The following LRRTM4 variants were observed in gnomAD, a reference collection of about 807,000 sequenced individuals.
LRRTM4 encodes leucine-rich repeat transmembrane neuronal protein 4.
A neutral mutation model predicts 47.6 loss-of-function variants in LRRTM4; 25 were observed. The observed-to-expected ratio is 0.53, with a 90% CI of 0.38 to 0.73. The LOEUF (loss-of-function observed/expected upper bound fraction) is 0.73. LRRTM4 is among the 30% of genes least tolerant of loss of function. LRRTM4 has a pLI of 0.00. For synonymous variants in LRRTM4, 311 were observed against 269.5 expected (o/e 1.15, Z -1.51); for missense variants, 638 against 713.4 (o/e 0.89, Z 1.20).
At chr2:76,893,496 G>A (rs1673317617) in intron 3 of LRRTM4, among the ~76,000 whole-genome samples, 1 of 151,564 alleles carries the variant, frequency 6.6e-6, no homozygotes, top group Non-Finnish European at 1.5e-5. Flanking sequence ...GATTATTTCT[G>A]GTACAGATAA....
At chr2:77,164,311 C>G (rs568374692) in intron 3 of LRRTM4, among the ~76,000 whole-genome samples, 3 of 152,296 alleles carry the variant, frequency 2.0e-5, no homozygotes, top group African/African-American at 7.2e-5. Flanking sequence ...ATTCATAAAG[C>G]AAGTCCTTAG....
chr2:77,470,515 G>A (rs947765243), intron 3 of LRRTM4, among the ~76,000 whole-genome samples: 1 of 152,142 alleles, frequency 6.6e-6, no homozygotes, highest in African/African-American at 2.4e-5. Context: ...GACACACTGA[G>A]CAGAAAGGTG....
chr2:77,006,735 C>T (rs17013582), intron 3 of LRRTM4, among the ~76,000 whole-genome samples: 4,085 of 152,132 alleles, frequency 0.027, 216 homozygotes, highest in African/African-American at 0.093. Flanking sequence ...AGAGGGATTG[C>T]GACTGGACAT....
intron 3 of LRRTM4, among the ~76,000 whole-genome samples, chr2:76,922,778 C>T (rs1674472884): frequency 6.6e-6 from 1 of 152,044 alleles, no homozygotes; most frequent in South Asian, 2.1e-4. Context: ...AGTCTCACCA[C>T]ATATGCAAAT....
intron 3 of LRRTM4, among the ~76,000 whole-genome samples, chr2:77,344,587 T>C (rs922867370): frequency 6.6e-6 from 1 of 151,814 alleles, no homozygotes; most frequent in African/African-American, 2.4e-5. Flanking sequence ...ATTTGTGTTA[T>C]TGTAGTACCA....
chr2:77,168,655 T>G (rs113653262), intron 3 of LRRTM4, among the ~76,000 whole-genome samples: 2,111 of 152,242 alleles, frequency 0.014, 63 homozygotes, highest in African/African-American at 0.048. Flanking sequence ...AACTTATTAC[T>G]TCCAACTGTA....
intron 3 of LRRTM4, among the ~76,000 whole-genome samples, chr2:77,440,643 G>A (rs921680380): frequency 6.6e-6 from 1 of 152,296 alleles, no homozygotes; most frequent in Non-Finnish European, 1.5e-5. Flanking sequence ...CTGTTGCAAT[G>A]AATTAATTAA....
At chr2:77,322,557 A>G (rs901671013) in intron 3 of LRRTM4, among the ~76,000 whole-genome samples, 8 of 151,992 alleles carry the variant, frequency 5.3e-5, no homozygotes, top group African/African-American at 1.9e-4. Flanking sequence ...ATGCATTCAT[A>G]CAAATTTTGT....
At chr2:77,177,915 T>A (rs1673243269) in intron 3 of LRRTM4, among the ~76,000 whole-genome samples, 1 of 152,214 alleles carries the variant, frequency 6.6e-6, no homozygotes, top group African/African-American at 2.4e-5. Flanking sequence ...GCTGTCAGTT[T>A]TAAGCAACAC....
chr2:77,295,914 A>G (rs187590031), intron 3 of LRRTM4, among the ~76,000 whole-genome samples: 49 of 152,312 alleles, frequency 3.2e-4, no homozygotes, highest in African/African-American at 9.6e-4. Context: ...AATTGAACAT[A>G]TGAATCTTAA....
chr2:77,184,524 T>G (rs1247095640), intron 3 of LRRTM4, among the ~76,000 whole-genome samples: 1 of 152,148 alleles, frequency 6.6e-6, no homozygotes, highest in Non-Finnish European at 1.5e-5. Flanking sequence ...TTATTGTTCC[T>G]GCCCTGCTCT....
chr2:77,335,817 A>C (rs1192900416), intron 3 of LRRTM4, among the ~76,000 whole-genome samples: 1 of 152,118 alleles, frequency 6.6e-6, no homozygotes, highest in Admixed American at 6.6e-5. Flanking sequence ...CATTCTTATA[A>C]TTTTCATAAC....
At chr2:77,373,266 T>C (rs1429586454) in intron 3 of LRRTM4, among the ~76,000 whole-genome samples, 1 of 151,136 alleles carries the variant, frequency 6.6e-6, no homozygotes, top group Non-Finnish European at 1.5e-5. Context: ...AAATGGGTAA[T>C]AAACAGATTG....
At chr2:76,775,080 T>C (rs111380772) in intron 3 of LRRTM4, among the ~76,000 whole-genome samples, 6 of 152,314 alleles carry the variant, frequency 3.9e-5, no homozygotes, top group African/African-American at 1.4e-4. Flanking sequence ...CCCTGACTTT[T>C]TGCATATCCA....
intron 3 of LRRTM4, among the ~76,000 whole-genome samples, chr2:77,456,653 G>T (rs1676553112): frequency 6.6e-6 from 1 of 151,782 alleles, no homozygotes; most frequent in South Asian, 2.1e-4. Context: ...ATCTCCAATA[G>T]CCTCCTTTTC....
intron 3 of LRRTM4, among the ~76,000 whole-genome samples, chr2:76,806,048 T>C (rs889624703): frequency 3.3e-5 from 5 of 152,046 alleles, no homozygotes; most frequent in African/African-American, 1.2e-4. Flanking sequence ...ACAGCTACAA[T>C]CAACGAAACT....
At chr2:77,201,975 C>T (rs779677597) in intron 3 of LRRTM4, among the ~76,000 whole-genome samples, 2 of 152,090 alleles carry the variant, frequency 1.3e-5, no homozygotes, top group Non-Finnish European at 2.9e-5. Flanking sequence ...AGCTCATGTA[C>T]AAGCTGACAA....
At chr2:76,942,706 T>TGTGTGTGTGTGTGTGTGTG (rs1573347298) in intron 3 of LRRTM4, among the ~76,000 whole-genome samples, 1 of 81,492 alleles carries the variant, frequency 1.2e-5, no homozygotes, top group African/African-American at 7.1e-5. Flanking sequence ...GTGTGTGTGT[T>TGTGTGTGTGTGTGTGTGTG]TAAATCTGTA....
intron 3 of LRRTM4, among the ~76,000 whole-genome samples, chr2:76,944,500 T>A (rs1361022302): frequency 6.6e-6 from 1 of 152,152 alleles, no homozygotes; most frequent in Non-Finnish European, 1.5e-5. Flanking sequence ...AAGTATTAGT[T>A]ACCCAACAAA....
Sources: allele counts gnomAD v4.1 joint callset (sites outside exome capture counted in the v4.1 genomes callset), GRCh38; gene constraint gnomAD v4.1.1; transcripts MANE v1.5; gene names NCBI Gene and HGNC (gene_info 2026-07-23, HGNC 2026-07-21).